Variants in AGBL1 observed in about 807,000 individuals in gnomAD.
The protein encoded by AGBL1 is AGBL carboxypeptidase 1.
Under a neutral mutation model 118.9 loss-of-function variants are expected in AGBL1, and 130 were observed. That is an observed-to-expected ratio of 1.09 (90% CI 0.95 to 1.26). The LOEUF (loss-of-function observed/expected upper bound fraction) is 1.26. AGBL1 is among the 50% of genes most tolerant of loss of function. The pLI is 0.00. For missense variants in AGBL1, 1,584 were observed against 1,298.1 expected, an observed-to-expected ratio of 1.22 and a Z score of -3.38; for synonymous variants, 555 against 478.9, an observed-to-expected ratio of 1.16 and a Z score of -2.08.
chr15:86,686,822 G>C (rs1244334739), intron 22 of AGBL1, among the ~76,000 whole-genome samples: 2 of 151,994 alleles, frequency 1.3e-5, no homozygotes, highest in South Asian at 2.1e-4. Context: ...TATCCCATTG[G>C]ACAGAGATGA....
intron 18 of AGBL1, among the ~76,000 whole-genome samples, chr15:86,505,541 G>A (rs780766721): frequency 1.3e-5 from 2 of 151,862 alleles, no homozygotes; most frequent in Non-Finnish European, 2.9e-5. Context: ...CAAAACTTCT[G>A]TTGAGGATCT....
At chr15:86,230,852 T>C (rs2078443893) in intron 6 of AGBL1, among the ~76,000 whole-genome samples, 1 of 152,068 alleles carries the variant, frequency 6.6e-6, no homozygotes. Context: ...GAGCTCAGAG[T>C]CACGTCTGCC....
At position 86,419,565 on chromosome 15, in the gene AGBL1, T is replaced by A. The variant is rs2081756215; in HGVS notation, c.2555+22019T>A. ...GCAGACACTAAGCTAGCTGCAGGAG[T>A]TTTTTTTTTTTTCATACCAAAGTGG... On this transcript the variant is annotated intron_variant, in intron 18 of 22. Coordinates refer to ENST00000614907, the MANE Select transcript of AGBL1 (RefSeq NM_001386094.1). Among the ~76,000 whole-genome samples, 3 of 127,316 alleles carry A rather than the reference T, an allele frequency of 2.4e-5. No homozygotes were observed. In the South Asian group the frequency reaches 7.6e-4, roughly 32 times the overall value. The allele number at this position is 127,316 out of a possible 152,430, so 83.5% of individuals were successfully genotyped here.
chr15:86,883,903 A>G (rs1357006523), intron 22 of AGBL1, among the ~76,000 whole-genome samples: 1 of 152,186 alleles, frequency 6.6e-6, no homozygotes, highest in Non-Finnish European at 1.5e-5. Flanking sequence ...ATATGTATAC[A>G]GTAGTCCCTC....
chr15:86,626,634 C>T (rs1690252044), intron 21 of AGBL1, among the ~76,000 whole-genome samples: 1 of 152,050 alleles, frequency 6.6e-6, no homozygotes, highest in African/African-American at 2.4e-5. Flanking sequence ...AACCTGCATG[C>T]ATACCCCTGA....
intron 22 of AGBL1, among the ~76,000 whole-genome samples, chr15:86,714,454 G>T (rs1370357835): frequency 6.6e-6 from 1 of 152,162 alleles, no homozygotes; most frequent in Non-Finnish European, 1.5e-5. Context: ...AAACTCTAGG[G>T]GATTTGGAGC....
intron 17 of AGBL1, among the ~76,000 whole-genome samples, chr15:86,359,387 C>CTTTTTTTTT: frequency 1.1e-5 from 1 of 93,792 alleles, no homozygotes; most frequent in African/African-American, 4.1e-5. Flanking sequence ...TATTGGTTTT[C>CTTTTTTTTT]TTTTTTTTTT....
chr15:86,325,686 C>T (rs558656863), intron 17 of AGBL1, among the ~76,000 whole-genome samples: 2 of 152,228 alleles, frequency 1.3e-5, no homozygotes, highest in East Asian at 1.9e-4. Flanking sequence ...AGGTGAGCAT[C>T]GAACAGTTAA....
intron 21 of AGBL1, among the ~76,000 whole-genome samples, chr15:86,596,482 G>A (rs1202520616): frequency 6.6e-6 from 1 of 152,122 alleles, no homozygotes; most frequent in Non-Finnish European, 1.5e-5. Flanking sequence ...CCTTCAGAGG[G>A]CCCTTGGGCC....
chr15:86,890,766 G>C (rs892346605), intron 22 of AGBL1, among the ~76,000 whole-genome samples: 1 of 152,186 alleles, frequency 6.6e-6, no homozygotes, highest in Admixed American at 6.5e-5. Flanking sequence ...TTTGGTACCA[G>C]TACCATGCTG....
intron 22 of AGBL1, among the ~76,000 whole-genome samples, chr15:86,868,484 C>T (rs1342364494): frequency 1.3e-5 from 2 of 152,202 alleles, no homozygotes; most frequent in Non-Finnish European, 2.9e-5. Context: ...GAAGAAATGT[C>T]CACTTCCCCA....
intron 17 of AGBL1, among the ~76,000 whole-genome samples, chr15:86,342,302 G>T (rs1277999607): frequency 6.6e-6 from 1 of 152,108 alleles, no homozygotes; most frequent in African/African-American, 2.4e-5. Context: ...ACTTGTATAT[G>T]TTGGACTAGC....
intron 24 of AGBL1, among the ~76,000 whole-genome samples, chr15:87,009,665 G>A (rs754508005): frequency 4.6e-5 from 7 of 152,194 alleles, no homozygotes; most frequent in Non-Finnish European, 8.8e-5. Flanking sequence ...AAAAGCAGCT[G>A]GGAGGGAGGC....
At chr15:86,259,319 C>T (rs1352769782) in intron 9 of AGBL1, among the ~76,000 whole-genome samples, 1 of 152,194 alleles carries the variant, frequency 6.6e-6, no homozygotes, top group African/African-American at 2.4e-5. Context: ...ATCTCCATTT[C>T]TGTTGGTGGA....
chr15:86,409,051 A>T (rs2081575300), intron 18 of AGBL1, among the ~76,000 whole-genome samples: 1 of 152,250 alleles, frequency 6.6e-6, no homozygotes, highest in South Asian at 2.1e-4. Flanking sequence ...TTTAAAAAAT[A>T]TGCAGAAGTA....
At chr15:86,093,666 G>T (rs574298188) in intron 1 of AGBL1, among the ~76,000 whole-genome samples, 1 of 152,270 alleles carries the variant, frequency 6.6e-6, no homozygotes, top group East Asian at 1.9e-4. Context: ...TTTAACTGCA[G>T]ATTAGACTTG....
chr15:86,178,814 T>A (rs896302489), intron 5 of AGBL1, among the ~76,000 whole-genome samples: 7 of 152,328 alleles, frequency 4.6e-5, no homozygotes, highest in African/African-American at 9.6e-5. Context: ...CTCTCTTTTT[T>A]AAAATATTCA....
intron 22 of AGBL1, among the ~76,000 whole-genome samples, chr15:86,750,025 A>T (rs1341958097): frequency 2.0e-5 from 3 of 152,102 alleles, no homozygotes; most frequent in Admixed American, 6.6e-5. Context: ...CTGGCCTCAT[A>T]AAATGAGTTA....
intron 17 of AGBL1, among the ~76,000 whole-genome samples, chr15:86,352,028 A>G (rs982871730): frequency 6.6e-6 from 1 of 152,186 alleles, no homozygotes. Context: ...TGCCTGAACA[A>G]CATTACGGAC....
Sources: allele counts gnomAD v4.1 joint callset (sites outside exome capture counted in the v4.1 genomes callset), GRCh38; gene constraint gnomAD v4.1.1; transcripts MANE v1.5; gene names NCBI Gene and HGNC (gene_info 2026-07-23, HGNC 2026-07-21).